Variants in PDE1C observed in about 807,000 individuals in gnomAD.
PDE1C encodes phosphodiesterase 1C.
In PDE1C, 62 loss-of-function variants were observed where a neutral mutation model predicts 93.1. The ratio of observed to expected loss-of-function variants is 0.67; its 90% CI spans 0.54 to 0.82. PDE1C has a LOEUF of 0.82. Among genes scored for constraint, PDE1C ranks in the 40% least tolerant of loss-of-function variants. The pLI, the probability that PDE1C is intolerant of heterozygous loss-of-function variation, is 0.00. For missense variants in PDE1C, 742 were observed against 884.6 expected (o/e 0.84, Z 2.04); for synonymous variants, 325 against 310.1 (o/e 1.05, Z -0.50).
chr7:31,884,696 C>A (rs750923286), intron 2 of PDE1C, among the ~76,000 whole-genome samples: 2 of 152,208 alleles, frequency 1.3e-5, no homozygotes, highest in African/African-American at 2.4e-5. Context: ...TTTATCCATT[C>A]CATTTGGAAT....
At chr7:32,057,282 A>C (rs1794247192) in intron 1 of PDE1C, among the ~76,000 whole-genome samples, 1 of 152,114 alleles carries the variant, frequency 6.6e-6, no homozygotes, top group Non-Finnish European at 1.5e-5. Flanking sequence ...ATTAACCCAT[A>C]CTCATTTAGC....
intron 16 of PDE1C, among the ~76,000 whole-genome samples, chr7:31,808,497 T>G (rs1218021856): frequency 1.3e-5 from 2 of 151,996 alleles, no homozygotes; most frequent in African/African-American, 4.8e-5. Flanking sequence ...TGTCATTGCC[T>G]TTAGGACTTG....
At chr7:32,035,413 T>C (rs1414963639) in intron 2 of PDE1C, among the ~76,000 whole-genome samples, 6 of 152,210 alleles carry the variant, frequency 3.9e-5, no homozygotes, top group South Asian at 2.1e-4. Context: ...CTCAGGTTTA[T>C]TCTCCAAAAT....
At chr7:31,638,154 C>G in the PDE1C span, among the ~76,000 whole-genome samples, 20 of 152,148 alleles carry the variant, frequency 1.3e-4, no homozygotes, top group Non-Finnish European at 2.2e-4. Context: ...CAAGAATCAT[C>G]ATGAATTTTG....
At chr7:32,209,317 A>G (rs1805839541) in intron 2 of PDE1C, among the ~76,000 whole-genome samples, 1 of 152,216 alleles carries the variant, frequency 6.6e-6, no homozygotes, top group South Asian at 2.1e-4. Context: ...GGCAGTAGCA[A>G]TGAGTAGCTC....
chr7:32,109,383 G>T (rs1162050336), intron 3 of PDE1C, among the ~76,000 whole-genome samples: 1 of 152,136 alleles, frequency 6.6e-6, no homozygotes, highest in Non-Finnish European at 1.5e-5. Flanking sequence ...ATCTATTTTT[G>T]ATTCCAACTT....
chr7:32,291,578 T>A (rs530172700), intron 1 of PDE1C, among the ~76,000 whole-genome samples: 1 of 152,362 alleles, frequency 6.6e-6, no homozygotes, highest in South Asian at 2.1e-4. Flanking sequence ...CAGTGGTTAT[T>A]AAACGTCACT....
At chr7:32,336,714 A>G (rs1264573651) in intron 1 of PDE1C, among the ~76,000 whole-genome samples, 4 of 152,218 alleles carry the variant, frequency 2.6e-5, no homozygotes, top group Non-Finnish European at 5.9e-5. Context: ...AGCTTTTAGA[A>G]AAGGGAATTT....
At chr7:31,619,900 A>T in the PDE1C span, among the ~76,000 whole-genome samples, 682 of 152,286 alleles carry the variant, frequency 4.5e-3, 5 homozygotes, top group African/African-American at 0.016. Flanking sequence ...GGTCACTCCC[A>T]CCCAAATACT....
At chr7:32,141,031 G>A (rs1271234638) in intron 3 of PDE1C, among the ~76,000 whole-genome samples, 2 of 152,194 alleles carry the variant, frequency 1.3e-5, no homozygotes, top group African/African-American at 2.4e-5. Flanking sequence ...ATTTATGTCC[G>A]CCTTTCAGGC....
intron 3 of PDE1C, among the ~76,000 whole-genome samples, chr7:32,161,050 C>G (rs1801889370): frequency 1.3e-5 from 2 of 152,156 alleles, no homozygotes; most frequent in Admixed American, 1.3e-4. Flanking sequence ...TAGAATTACA[C>G]CATCCTTTTC....
At chr7:32,085,922 C>G (rs1207108308) in intron 3 of PDE1C, among the ~76,000 whole-genome samples, 1 of 148,684 alleles carries the variant, frequency 6.7e-6, no homozygotes, top group Non-Finnish European at 1.5e-5. Flanking sequence ...AAACTGGAAG[C>G]ATTCCCTTTG....
chr7:31,694,387 A>AACAC, the PDE1C span, among the ~76,000 whole-genome samples: 212 of 141,674 alleles, frequency 1.5e-3, 1 homozygote, highest in African/African-American at 4.0e-3. Flanking sequence ...CTCTCTCTCA[A>AACAC]ACACACACAC....
intron 3 of PDE1C, among the ~76,000 whole-genome samples, chr7:32,087,216 A>C (rs1797147754): frequency 1.3e-5 from 2 of 149,356 alleles, no homozygotes; most frequent in Non-Finnish European, 3.0e-5. Flanking sequence ...TTCTCAAAAG[A>C]AGACATTTAT....
intron 1 of PDE1C, among the ~76,000 whole-genome samples, chr7:32,282,540 T>C: frequency 1.7e-5 from 1 of 58,782 alleles, no homozygotes; most frequent in Non-Finnish European, 3.8e-5. Flanking sequence ...CAAAACAGTT[T>C]CAATCTCACA....
chr7:32,382,220 C>T (rs1488794306), intron 1 of PDE1C, among the ~76,000 whole-genome samples: 3 of 152,090 alleles, frequency 2.0e-5, no homozygotes, highest in South Asian at 2.1e-4. Flanking sequence ...ATTGATGAAG[C>T]GCCGCCATCC....
At chr7:32,019,965 T>C (rs1354171596) in intron 2 of PDE1C, among the ~76,000 whole-genome samples, 1 of 152,102 alleles carries the variant, frequency 6.6e-6, no homozygotes. Context: ...AGGATGTAGC[T>C]TTGAGAATTA....
At chr7:31,697,163 G>A in the PDE1C span, 2 of 1,597,162 alleles carry the variant, frequency 1.3e-6, no homozygotes, top group Non-Finnish European at 1.7e-6. Flanking sequence ...ATGGGGACAG[G>A]TCAAGAACCT....
At chr7:31,643,604 C>T in the PDE1C span, 1 of 1,614,008 alleles carries the variant, frequency 6.2e-7, no homozygotes, top group Non-Finnish European at 8.5e-7. Context: ...CCTGTTACCG[C>T]AACAGAAACA....
Sources: gnomAD v4.1 joint callset for allele counts (sites outside exome capture counted in the v4.1 genomes callset) on GRCh38, gnomAD v4.1.1 for gene constraint, MANE v1.5 for transcripts, NCBI Gene and HGNC (gene_info 2026-07-23, HGNC 2026-07-21) for gene names.